EML5: variants seen among roughly 807,000 people sequenced by gnomAD.
EML5 encodes the protein EMAP like 5.
Under a neutral mutation model 250.0 loss-of-function variants are expected in EML5, and 120 were observed. The ratio of observed to expected loss-of-function variants is 0.48; its 90% CI spans 0.41 to 0.56. EML5 has a LOEUF of 0.56. Ranked by LOEUF, EML5 falls within the 20% of genes least tolerant of loss-of-function variation. The pLI, the probability that EML5 is intolerant of heterozygous loss-of-function variation, is 0.00. For synonymous variants in EML5, 771 were observed against 806.5 expected (o/e 0.96, Z 0.75); for missense variants, 2,006 against 2,437.6 (o/e 0.82, Z 3.73).
chr14:88,710,958 T>A (rs1417259186), intron 10 of EML5, among the ~76,000 whole-genome samples: 1 of 152,194 alleles, frequency 6.6e-6, no homozygotes, highest in Non-Finnish European at 1.5e-5. Flanking sequence ...CAATAAATCC[T>A]ATTCACTTGA....
intron 1 of EML5, among the ~76,000 whole-genome samples, chr14:88,766,165 G>A (rs535688567): frequency 2.0e-5 from 3 of 152,096 alleles, no homozygotes; most frequent in Non-Finnish European, 4.4e-5. Context: ...TGATTATTGC[G>A]TTAACTGCAC....
chr14:88,641,501 T>C (rs768099898), intron 31 of EML5, among the ~76,000 whole-genome samples: 36 of 152,302 alleles, frequency 2.4e-4, no homozygotes, highest in Non-Finnish European at 4.7e-4. Flanking sequence ...ATTCCTGGCA[T>C]GCAAGGTTGG....
chr14:88,772,547 G>A (rs1401571018), intron 1 of EML5, among the ~76,000 whole-genome samples: 1 of 152,202 alleles, frequency 6.6e-6, no homozygotes, highest in Non-Finnish European at 1.5e-5. Context: ...GAGGTCAGGA[G>A]TTCAAGACCA....
chr14:88,682,792 G>T (rs978013815), intron 20 of EML5, among the ~76,000 whole-genome samples: 53 of 152,280 alleles, frequency 3.5e-4, no homozygotes, highest in African/African-American at 1.3e-3. Context: ...TTTGGATGTG[G>T]TGCCTCTGAG....
chr14:88,681,854 G>C (rs561022141), intron 21 of EML5, 36 bp downstream of exon 21: 2 of 1,554,524 alleles, frequency 1.3e-6, no homozygotes, highest in African/African-American at 2.8e-5. Flanking sequence ...AAAACTGTGA[G>C]AGCTTAATCT....
chr14:88,781,216 T>C (rs2094494658), intron 1 of EML5, among the ~76,000 whole-genome samples: 1 of 152,174 alleles, frequency 6.6e-6, no homozygotes, highest in Admixed American at 6.5e-5. Context: ...GATAAATCCT[T>C]TTGTCTCTGA....
intron 1 of EML5, among the ~76,000 whole-genome samples, chr14:88,775,204 G>A (rs1452202506): frequency 6.6e-6 from 1 of 152,222 alleles, no homozygotes; most frequent in Non-Finnish European, 1.5e-5. Flanking sequence ...GTGGCCATGG[G>A]GCGAAACTCC....
rs747353308 is a variant in EML5 at position 88,738,900 on chromosome 14, C to T, written c.826G>A (p.Glu276Lys). ...TTACCTTTGTATCCCTGGTCTGTTTCCCTGAGATCAATCACAGTAATTGGT... is the reference window on the plus strand; with the variant it reads ...TTACCTTTGTATCCCTGGTCTGTTTTCCTGAGATCAATCACAGTAATTGGT... ...FKPITVIDLR[E>K]TDQGYKGLSV... Residue 276 changes from glutamate to lysine, a missense_variant, in exon 6 of 44, where the codon GAA becomes AAA. By Grantham distance (56) the Glu-to-Lys change is moderately conservative (BLOSUM62 1). Transcript: ENST00000554922. 1.5e-5 allele frequency: 24 copies of T among 1,577,036 alleles called. No individual in the cohort carries two copies. Among genetic ancestry groups the T allele is most frequent in the Non-Finnish European group, 2.6e-6 (3 of 1,160,314 alleles).
chr14:88,746,812 C>T (rs529448003), intron 2 of EML5, among the ~76,000 whole-genome samples: 1 of 152,026 alleles, frequency 6.6e-6, no homozygotes, highest in Non-Finnish European at 1.5e-5. Flanking sequence ...GTAAACCTCT[C>T]GGAAACAACA....
chr14:88,640,824 AC>A (rs1392926104), intron 31 of EML5, among the ~76,000 whole-genome samples: 1 of 152,152 alleles, frequency 6.6e-6, no homozygotes, highest in Admixed American at 6.5e-5. Flanking sequence ...AGTTAGCTTA[AC>A]AAAAAAAAGA....
intron 1 of EML5, among the ~76,000 whole-genome samples, chr14:88,757,914 A>G (rs1431337698): frequency 6.6e-6 from 1 of 151,652 alleles, no homozygotes; most frequent in Non-Finnish European, 1.5e-5. Context: ...ACAGTGACAC[A>G]ATCACCACTC....
Position 88,705,494 on chromosome 14 carries a change from G to A in EML5, c.1920C>T (p.Thr640=), listed in dbSNP as rs1371931311. 3 of 1,599,836 alleles carry A rather than the reference G, an allele frequency of 1.9e-6. No homozygotes were observed. Among genetic ancestry groups the A allele is most frequent in the African/African-American group, 1.3e-5 (1 of 74,800 alleles). Residue 640 remains threonine (T), a synonymous_variant, in exon 12 of 44, where the codon ACC becomes ACT. Transcript: ENST00000554922. ...TATGGAAAATTACCTGTCGACGGTAGGTGAGCTGTGTCTCTTGTTCAATTT... is the reference window on the plus strand; with the variant it reads ...TATGGAAAATTACCTGTCGACGGTAAGTGAGCTGTGTCTCTTGTTCAATTT... ...DSEIEQETQL[T]YRRQVYKEDL... is the part of the protein sequence containing the mutation.
At chr14:88,717,650 G>C (rs758522597) in intron 8 of EML5, among the ~76,000 whole-genome samples, 47 of 152,164 alleles carry the variant, frequency 3.1e-4, no homozygotes, top group Non-Finnish European at 5.4e-4. Context: ...AGCTACTCAG[G>C]AGGCTGAGGC....
intron 21 of EML5, among the ~76,000 whole-genome samples, chr14:88,671,966 A>T (rs2141054520): frequency 6.6e-6 from 1 of 152,286 alleles, no homozygotes; most frequent in Admixed American, 6.5e-5. Flanking sequence ...GGAGACTTTA[A>T]CACCCTACTG....
Position 88,688,526 on chromosome 14 carries a change from TA to T in EML5, c.2540-54del, listed in dbSNP as rs1595527819. ...ACCACTTTCAAAATGTACTCAATTA[TA>T]AAGAAGCAAAGTTTCTTTTCTACTG... On this transcript the variant is annotated intron_variant, in intron 17 of 43. Coordinates refer to ENST00000554922, the MANE Select transcript of EML5 (RefSeq NM_183387.3). 14 of 1,571,756 alleles carry T rather than the reference TA, an allele frequency of 8.9e-6. No homozygotes were observed. The East Asian group carries it at 3.1e-4, about 35-fold the overall frequency.
chr14:88,693,568 C>A (rs894460445), intron 17 of EML5, among the ~76,000 whole-genome samples: 2 of 152,084 alleles, frequency 1.3e-5, no homozygotes, highest in African/African-American at 4.8e-5. Context: ...GGGACACAGT[C>A]AAACCATATC....
rs59787851 is a variant in EML5, at chr14:88,729,626, C to T, written c.1050-2948G>A. Among the ~76,000 whole-genome samples the T allele has an allele frequency of 2.6e-3, 402 of 151,806 alleles. 4 individuals are homozygous for T. Among genetic ancestry groups the T allele is most frequent in the African/African-American group, 9.1e-3 (377 of 41,318 alleles). The stretch of plus-strand genomic sequence containing the variant: ...ACCCAGGCTGTAGTGCTGGCGCAAT[C>T]TTAGTTCACTGCAACCTCCGCCTCC... On this transcript the variant is annotated intron_variant, in intron 7 of 43. Coordinates refer to ENST00000554922, the MANE Select transcript of EML5 (RefSeq NM_183387.3).
chr14:88,682,858 C>T (rs568177858), intron 20 of EML5, among the ~76,000 whole-genome samples: 43 of 152,306 alleles, frequency 2.8e-4, no homozygotes, highest in African/African-American at 1.0e-3. Context: ...CCCCTCTCCC[C>T]TTACCAAGTA....
chr14:88,710,483 A>G (rs1048921122), intron 10 of EML5, among the ~76,000 whole-genome samples: 3 of 152,220 alleles, frequency 2.0e-5, no homozygotes, highest in Admixed American at 1.3e-4. Context: ...ATGCAACTTA[A>G]TAATTAATCT....
Sources: gnomAD v4.1 joint callset for allele counts (sites outside exome capture counted in the v4.1 genomes callset) on GRCh38, gnomAD v4.1.1 for gene constraint, MANE v1.5 for transcripts, NCBI Gene and HGNC (gene_info 2026-07-23, HGNC 2026-07-21) for gene names.